Variants in SCML4 observed in about 807,000 individuals in gnomAD.
The protein encoded by SCML4 is Scm polycomb group protein like 4.
SCML4 carries 34 observed loss-of-function variants against 41.1 expected under a neutral mutation model. The observed-to-expected ratio is 0.83, with a 90% confidence interval of 0.63 to 1.10. The LOEUF is 1.10. SCML4 is among the 50% of genes least tolerant of loss of function. The pLI is 0.00. For synonymous variants in SCML4, 214 were observed against 220.9 expected, an observed-to-expected ratio of 0.97 and a Z score of 0.28; for missense variants, 522 against 534.1, an observed-to-expected ratio of 0.98 and a Z score of 0.22.
chr6:107,740,604 A>G (rs1187580818), intron 5 of SCML4, among the ~76,000 whole-genome samples: 1 of 152,204 alleles, frequency 6.6e-6, no homozygotes, highest in Non-Finnish European at 1.5e-5. Flanking sequence ...CTGCAGCAGG[A>G]TCATCTTAGA....
rs1778156207 is a variant in SCML4 at position 107,746,855 on chromosome 6, C to A, written c.321G>T (p.Gly107=). Reference sequence around the variant, plus strand: ...GCACCTTCTTCCTCTCCAGATAGGGCCCCGCATTGGCCTGCTTGTTGATGT... The same window carrying A: ...GCACCTTCTTCCTCTCCAGATAGGGACCCGCATTGGCCTGCTTGTTGATGT... ...CLYINKQANA[G]PYLERKKVQQ... is the part of the protein sequence containing the mutation. Residue 107 remains glycine (G), a synonymous_variant, in exon 4 of 8, where the codon GGG becomes GGT. Transcript: ENST00000369020. 1.9e-6 allele frequency: 3 copies of A among 1,613,978 alleles called. No homozygotes were observed. In the East Asian group the frequency reaches 6.7e-5, roughly 36 times the overall value.
chr6:107,775,158 G>A (rs1256942171), intron 1 of SCML4, among the ~76,000 whole-genome samples: 1 of 152,188 alleles, frequency 6.6e-6, no homozygotes, highest in East Asian at 1.9e-4. Flanking sequence ...GAGTCACCAT[G>A]GTGGCATTTT....
the SCML4 span, among the ~76,000 whole-genome samples, chr6:107,841,346 A>C: frequency 3.3e-5 from 5 of 152,170 alleles, no homozygotes; most frequent in Non-Finnish European, 5.9e-5. Context: ...ATAGGTTAAC[A>C]TTCTTCCCCT....
intron 1 of SCML4, among the ~76,000 whole-genome samples, chr6:107,806,546 G>A (rs1162533591): frequency 6.6e-6 from 1 of 152,190 alleles, no homozygotes; most frequent in Non-Finnish European, 1.5e-5. Flanking sequence ...GCTCCTTAAT[G>A]CTGGCCTCTG....
intron 1 of SCML4, among the ~76,000 whole-genome samples, chr6:107,774,588 T>A (rs1356068419): frequency 6.6e-6 from 1 of 152,234 alleles, no homozygotes; most frequent in Non-Finnish European, 1.5e-5. Flanking sequence ...TGCTTCTTCC[T>A]TATTATTTTT....
chr6:107,804,782 G>C (rs1347848212), intron 1 of SCML4, among the ~76,000 whole-genome samples: 1 of 152,134 alleles, frequency 6.6e-6, no homozygotes, highest in African/African-American at 2.4e-5. Context: ...TTTGAGACCA[G>C]CCTGGGCAAC....
chr6:107,705,030 T>C lies in SCML4; in HGVS notation c.*170A>G. 1.4e-6 allele frequency: 1 copy of C among 722,500 alleles called. No homozygotes were observed. The highest frequency in any genetic ancestry group is 2.7e-5 in the East Asian group (1 of 37,178). 44.8% of individuals were successfully genotyped at this position (722,500 alleles called of 1,614,324 possible). A position where few individuals can be genotyped will look rare whatever the true frequency, so the allele number is the denominator to read the frequency against. ...GAGGAGCCTCTCGAAAAGGTCCATGTTAAATTCTTCAAAAGGCAAAGATTC... is the reference window on the plus strand; with the variant it reads ...GAGGAGCCTCTCGAAAAGGTCCATGCTAAATTCTTCAAAAGGCAAAGATTC... On this transcript the variant is annotated 3_prime_UTR_variant, in exon 8 of 8. Transcript: ENST00000369020.
intron 1 of SCML4, among the ~76,000 whole-genome samples, chr6:107,803,582 A>T (rs1783466660): frequency 6.8e-6 from 1 of 147,580 alleles, no homozygotes; most frequent in Non-Finnish European, 1.5e-5. Context: ...GGCCATGATG[A>T]CAATGGCGGT....
At chr6:107,750,017 C>T (rs191381751) in intron 2 of SCML4, among the ~76,000 whole-genome samples, 23 of 152,270 alleles carry the variant, frequency 1.5e-4, no homozygotes, top group African/African-American at 4.6e-4. Context: ...CCTCTCATTC[C>T]ACCCTTTCAG....
upstream of SCML4, among the ~76,000 whole-genome samples, chr6:107,826,923 A>C (rs936448022): frequency 4.6e-4 from 70 of 151,808 alleles, no homozygotes; most frequent in Middle Eastern, 3.4e-3. Flanking sequence ...ATTAGCTGGG[A>C]GTGGTGGCAG....
chr6:107,844,004 A>C, the SCML4 span, among the ~76,000 whole-genome samples: 1 of 152,222 alleles, frequency 6.6e-6, no homozygotes, highest in Non-Finnish European at 1.5e-5. Context: ...GTTTAAAGGC[A>C]AAGAGAAAAA....
intron 5 of SCML4, among the ~76,000 whole-genome samples, chr6:107,723,519 G>A (rs1475195825): frequency 6.6e-6 from 1 of 152,090 alleles, no homozygotes; most frequent in African/African-American, 2.4e-5. Flanking sequence ...CTTAAGTAGG[G>A]AACCATCTGT....
rs543588905 is a variant in SCML4, at chr6:107,746,918, G to C, written c.287-29C>G. 1.9e-6 allele frequency: 3 copies of C among 1,583,174 alleles called. No homozygotes were observed. The South Asian group carries it at 3.4e-5, about 18-fold the overall frequency. ...CGGAGACAGAGGTCACAAAGCCCTC[G>C]GCATCAGGCGCGCATCAGGCCAGCT... On this transcript the variant is annotated intron_variant, in intron 3 of 7. Coordinates refer to ENST00000369020, the MANE Select transcript of SCML4 (RefSeq NM_198081.5).
intron 1 of SCML4, among the ~76,000 whole-genome samples, chr6:107,788,055 T>C (rs183949414): frequency 6.6e-6 from 1 of 152,292 alleles, no homozygotes; most frequent in Admixed American, 6.5e-5. Flanking sequence ...CCAGGACCAA[T>C]GCCTTCACCT....
chr6:107,832,052 G>C, the SCML4 span, among the ~76,000 whole-genome samples: 1 of 134,742 alleles, frequency 7.4e-6, no homozygotes. Context: ...AACAGAGGGA[G>C]ACTCTGTCTC....
the SCML4 span, among the ~76,000 whole-genome samples, chr6:107,839,368 G>GGAAAGAAAGAAAGAAA: frequency 0.012 from 606 of 52,508 alleles, 7 homozygotes; most frequent in African/African-American, 0.038. Context: ...AAAGAAAGAA[G>GGAAAGAAAGAAAGAAA]GAAAGAAAGA....
At chr6:107,802,729 C>T (rs1042857645) in intron 1 of SCML4, among the ~76,000 whole-genome samples, 14 of 139,268 alleles carry the variant, frequency 1.0e-4, no homozygotes, top group Middle Eastern at 3.7e-3. Flanking sequence ...TCCCTCTCCC[C>T]CTCCCTCTCC....
intron 1 of SCML4, among the ~76,000 whole-genome samples, chr6:107,821,180 T>C (rs763310524): frequency 9.2e-5 from 14 of 152,330 alleles, no homozygotes; most frequent in South Asian, 2.1e-4. Flanking sequence ...TTGTGACTCA[T>C]TAATTAAAAT....
At chr6:107,742,014 A>C (rs940261962) in intron 5 of SCML4, among the ~76,000 whole-genome samples, 1 of 152,210 alleles carries the variant, frequency 6.6e-6, no homozygotes, top group African/African-American at 2.4e-5. Flanking sequence ...AGTTTTAAGG[A>C]AACTCACTGA....
Sources: gnomAD v4.1 joint callset for allele counts (sites outside exome capture counted in the v4.1 genomes callset) on GRCh38, gnomAD v4.1.1 for gene constraint, MANE v1.5 for transcripts, NCBI Gene and HGNC (gene_info 2026-07-23, HGNC 2026-07-21) for gene names.